Variants in UNC5C observed in about 807,000 individuals in gnomAD.
UNC5C encodes the protein unc-5 netrin receptor C.
In UNC5C, 47 loss-of-function variants were observed where a neutral mutation model predicts 99.8. The observed-to-expected ratio is 0.47, with a 90% CI of 0.37 to 0.60. UNC5C has a LOEUF of 0.60. Ranked by LOEUF, UNC5C falls within the 20% of genes least tolerant of loss-of-function variation. The pLI is 0.00. For synonymous variants in UNC5C, 487 were observed against 452.2 expected, an observed-to-expected ratio of 1.08 and a Z score of -0.98; for missense variants, 1,062 against 1,165.9, an observed-to-expected ratio of 0.91 and a Z score of 1.30.
Position 95,164,134 on chromosome 4 carries a change from A to G in UNC5C, c.*5100T>C, listed in dbSNP as rs757480254. On this transcript the variant is annotated 3_prime_UTR_variant, in exon 16 of 16. Coordinates refer to ENST00000453304, the MANE Select transcript of UNC5C (RefSeq NM_003728.4). ...GGGTAAGCACAAGGCTGATAAAACTAAAGGATCTGGAAGCTCATGGCTAGA... is the reference window on the plus strand; with the variant it reads ...GGGTAAGCACAAGGCTGATAAAACTGAAGGATCTGGAAGCTCATGGCTAGA... The G allele has an allele frequency of 6.6e-6, 1 of 152,184 alleles. No homozygotes were observed. Among genetic ancestry groups the G allele is most frequent in the Non-Finnish European group, 1.5e-5 (1 of 68,032 alleles). 9.4% of individuals were successfully genotyped at this position (152,184 alleles called of 1,614,324 possible).
intron 1 of UNC5C, among the ~76,000 whole-genome samples, chr4:95,388,562 A>G (rs1180107728): frequency 6.6e-6 from 1 of 152,206 alleles, no homozygotes; most frequent in Non-Finnish European, 1.5e-5. Context: ...GGTCACGTAC[A>G]GTATTTGCTT....
At chr4:95,373,423 C>A (rs1300174506) in intron 1 of UNC5C, among the ~76,000 whole-genome samples, 1 of 152,164 alleles carries the variant, frequency 6.6e-6, no homozygotes, top group South Asian at 2.1e-4. Context: ...ATCCTGCTCC[C>A]TCCACGCATC....
intron 4 of UNC5C, among the ~76,000 whole-genome samples, chr4:95,253,383 C>T (rs1345164280): frequency 6.6e-6 from 1 of 152,052 alleles, no homozygotes; most frequent in Non-Finnish European, 1.5e-5. Flanking sequence ...GCATGGTTGA[C>T]AAAAGATTTG....
At chr4:95,394,056 T>C (rs907882922) in intron 1 of UNC5C, among the ~76,000 whole-genome samples, 1 of 152,180 alleles carries the variant, frequency 6.6e-6, no homozygotes, top group South Asian at 2.1e-4. Context: ...TCTGCAAATC[T>C]GTACTGACTA....
chr4:95,366,624 T>C (rs1167383842), intron 1 of UNC5C, among the ~76,000 whole-genome samples: 1 of 152,218 alleles, frequency 6.6e-6, no homozygotes, highest in African/African-American at 2.4e-5. Flanking sequence ...TGGTAGGACC[T>C]TTGTCAACAT....
intron 3 of UNC5C, among the ~76,000 whole-genome samples, chr4:95,293,185 A>G (rs1191877323): frequency 1.3e-5 from 2 of 150,810 alleles, no homozygotes; most frequent in African/African-American, 4.9e-5. Context: ...GAATGAATCT[A>G]TTGCATTCTG....
chr4:95,534,632 C>T (rs1381779820), intron 1 of UNC5C, among the ~76,000 whole-genome samples: 1 of 152,102 alleles, frequency 6.6e-6, no homozygotes, highest in Non-Finnish European at 1.5e-5. Context: ...CCATTCCCTT[C>T]TCCTTAATTA....
At chr4:95,325,362 G>A (rs992989696) in intron 2 of UNC5C, among the ~76,000 whole-genome samples, 2 of 151,296 alleles carry the variant, frequency 1.3e-5, no homozygotes, top group African/African-American at 4.8e-5. Flanking sequence ...AGATGTAGGT[G>A]GCTATTTAGA....
At chr4:95,335,323 C>A in intron 2 of UNC5C, 87 bp downstream of exon 2, 1 of 1,223,800 alleles carries the variant, frequency 8.2e-7, no homozygotes, top group Non-Finnish European at 1.1e-6. Context: ...TTTTCCATTC[C>A]ACTAATTGAA....
chr4:95,323,070 T>C lies in UNC5C; in HGVS notation c.346+12340A>G, dbSNP rs1182778292. 2.6e-5 allele frequency among the ~76,000 whole-genome samples: 4 copies of C among 152,126 alleles called. No individual in the cohort carries two copies. The East Asian group carries it at 5.8e-4, about 22-fold the overall frequency. ...TACAAATAACAGAAATGAGGACATATTTACCTATGACTTGGGTTTGTATAT... is the reference window on the plus strand; with the variant it reads ...TACAAATAACAGAAATGAGGACATACTTACCTATGACTTGGGTTTGTATAT... On this transcript the variant is annotated intron_variant, in intron 2 of 15. Transcript: ENST00000453304.
intron 2 of UNC5C, among the ~76,000 whole-genome samples, chr4:95,335,004 C>T (rs949646167): frequency 2.0e-5 from 3 of 151,920 alleles, no homozygotes; most frequent in African/African-American, 4.8e-5. Flanking sequence ...CATGGATTAA[C>T]ATTAGACATT....
chr4:95,482,856 T>A (rs1721203879), intron 1 of UNC5C, among the ~76,000 whole-genome samples: 1 of 117,252 alleles, frequency 8.5e-6, no homozygotes. Context: ...CGGGGGACTG[T>A]TGTGGGGTGG....
Position 95,400,961 on chromosome 4 carries a change from C to A in UNC5C, c.125-65330G>T, listed in dbSNP as rs190870289. ...ACAGCTGCCAAATCACATATGGAGC[C>A]AAATTGCCAGCAAACGGATTCTTTC... On this transcript the variant is annotated intron_variant, in intron 1 of 15. Coordinates refer to ENST00000453304, the MANE Select transcript of UNC5C (RefSeq NM_003728.4). 4.6e-5 allele frequency among the ~76,000 whole-genome samples: 7 copies of A among 152,314 alleles called. No individual in the cohort carries two copies. The East Asian group carries it at 1.4e-3, about 29-fold the overall frequency.
chr4:95,521,837 C>T (rs547372444), intron 1 of UNC5C, among the ~76,000 whole-genome samples: 12 of 152,224 alleles, frequency 7.9e-5, no homozygotes, highest in South Asian at 2.1e-4. Flanking sequence ...AGGGATAACA[C>T]TAAATGGTGC....
At chr4:95,259,049 C>T (rs901339062) in intron 4 of UNC5C, among the ~76,000 whole-genome samples, 3 of 152,118 alleles carry the variant, frequency 2.0e-5, no homozygotes, top group Admixed American at 6.5e-5. Context: ...GCGTGAGCCA[C>T]CGCGCCCGGC....
At chr4:95,494,003 A>G (rs979074105) in intron 1 of UNC5C, among the ~76,000 whole-genome samples, 1 of 151,520 alleles carries the variant, frequency 6.6e-6, no homozygotes, top group Non-Finnish European at 1.5e-5. Flanking sequence ...GATTAAATTT[A>G]AACTATGATA....
intron 5 of UNC5C, among the ~76,000 whole-genome samples, 173 bp downstream of exon 5, chr4:95,250,314 G>T (rs990920062): frequency 6.6e-6 from 1 of 152,084 alleles, no homozygotes; most frequent in Non-Finnish European, 1.5e-5. Flanking sequence ...GAGCCTAGGA[G>T]GTTGAGGCTA....
chr4:95,479,391 A>G (rs2149477153), intron 1 of UNC5C, among the ~76,000 whole-genome samples: 1 of 152,112 alleles, frequency 6.6e-6, no homozygotes, highest in East Asian at 1.9e-4. Context: ...GTGATTAAAA[A>G]TCATGCCAGA....
intron 1 of UNC5C, among the ~76,000 whole-genome samples, chr4:95,355,701 A>G (rs1744158176): frequency 1.3e-5 from 2 of 152,038 alleles, no homozygotes; most frequent in African/African-American, 4.8e-5. Flanking sequence ...GGAAGTACAG[A>G]CTCCTAGAGT....
Sources: allele counts gnomAD v4.1 joint callset (sites outside exome capture counted in the v4.1 genomes callset), GRCh38; gene constraint gnomAD v4.1.1; transcripts MANE v1.5; gene names NCBI Gene and HGNC (gene_info 2026-07-23, HGNC 2026-07-21).